ANO4: variants seen among roughly 807,000 people sequenced by gnomAD.
ANO4 encodes anoctamin-4.
In ANO4, 69 loss-of-function variants were observed where a neutral mutation model predicts 141.9. The observed-to-expected ratio is 0.49, with a 90% CI of 0.40 to 0.59. The LOEUF (loss-of-function observed/expected upper bound fraction) is 0.59. Among genes scored for constraint, ANO4 ranks in the 20% least tolerant of loss-of-function variants. ANO4 has a pLI of 0.00. For missense variants in ANO4, 894 were observed against 1,162.2 expected, an observed-to-expected ratio of 0.77 and a Z score of 3.36; for synonymous variants, 350 against 394.3, an observed-to-expected ratio of 0.89 and a Z score of 1.33.
chr12:101,084,993 C>G (rs2136892700), intron 16 of ANO4, among the ~76,000 whole-genome samples: 1 of 152,288 alleles, frequency 6.6e-6, no homozygotes, highest in Non-Finnish European at 1.5e-5. Flanking sequence ...TTACCTGTCT[C>G]CTGATCAACA....
At chr12:100,745,355 C>T (rs892752896) in intron 3 of ANO4, among the ~76,000 whole-genome samples, 1 of 152,216 alleles carries the variant, frequency 6.6e-6, no homozygotes, top group South Asian at 2.1e-4. Context: ...TCTGTTTCCA[C>T]TGGCAATTCT....
intron 22 of ANO4, 70 bp from the exon 23 acceptor site, chr12:101,110,334 A>T: frequency 6.8e-7 from 1 of 1,468,018 alleles, no homozygotes; most frequent in Non-Finnish European, 9.1e-7. Context: ...ACATATTCAG[A>T]TTATGATCCC....
At chr12:101,101,605 G>A (rs540633530) in intron 22 of ANO4, among the ~76,000 whole-genome samples, 3 of 151,584 alleles carry the variant, frequency 2.0e-5, no homozygotes, top group Admixed American at 2.0e-4. Context: ...ATCATGAAAT[G>A]TACTCCTGAG....
intron 12 of ANO4, 121 bp downstream of exon 12, chr12:101,042,589 C>T (rs2136628745): frequency 1.5e-6 from 2 of 1,350,044 alleles, no homozygotes; most frequent in East Asian, 4.7e-5. Context: ...CCTACCCTCT[C>T]ATGGAAAAAC....
chr12:100,890,844 A>G (rs1463782105), intron 1 of ANO4, among the ~76,000 whole-genome samples: 1 of 152,210 alleles, frequency 6.6e-6, no homozygotes, highest in African/African-American at 2.4e-5. Context: ...GGTGTTGTAC[A>G]TTCTGTGGGT....
chr12:101,040,611 T>A (rs972864384), intron 11 of ANO4, among the ~76,000 whole-genome samples: 1 of 151,920 alleles, frequency 6.6e-6, no homozygotes, highest in East Asian at 1.9e-4. Context: ...TATGTTTTTT[T>A]ATTATTATTA....
At chr12:100,984,957 A>G (rs1051093236) in intron 7 of ANO4, among the ~76,000 whole-genome samples, 1 of 151,862 alleles carries the variant, frequency 6.6e-6, no homozygotes, top group Admixed American at 6.6e-5. Context: ...CATGCTGAGC[A>G]CTGTACCCAG....
chr12:100,797,122 ATG>A (rs746327406), intron 1 of ANO4, among the ~76,000 whole-genome samples: 6 of 125,520 alleles, frequency 4.8e-5, no homozygotes, highest in African/African-American at 1.5e-4. Flanking sequence ...GTTTATATAT[ATG>A]TGTGTGTATA....
chr12:100,852,819 A>G (rs577863127), intron 1 of ANO4, among the ~76,000 whole-genome samples: 5 of 152,326 alleles, frequency 3.3e-5, no homozygotes, highest in African/African-American at 1.2e-4. Context: ...AAAAATTACA[A>G]AATCTGTAAT....
intron 2 of ANO4, among the ~76,000 whole-genome samples, chr12:100,913,934 G>A (rs12312569): frequency 0.047 from 7,227 of 152,174 alleles, 588 homozygotes; most frequent in African/African-American, 0.16. Context: ...AAGACAAAAG[G>A]GTAAACAACA....
At chr12:101,054,656 C>G (rs906358452) in intron 14 of ANO4, among the ~76,000 whole-genome samples, 1 of 152,152 alleles carries the variant, frequency 6.6e-6, no homozygotes, top group Non-Finnish European at 1.5e-5. Flanking sequence ...CCCGCCACCA[C>G]GCCCAGCTAA....
At chr12:100,806,054 G>A (rs145427335) in intron 1 of ANO4, among the ~76,000 whole-genome samples, 625 of 152,310 alleles carry the variant, frequency 4.1e-3, no homozygotes, top group Non-Finnish European at 6.8e-3. Context: ...AGGCTCCTTA[G>A]GTGGTGTGTA....
intron 14 of ANO4, among the ~76,000 whole-genome samples, chr12:101,049,752 G>A (rs971996511): frequency 1.4e-4 from 22 of 152,126 alleles, no homozygotes; most frequent in African/African-American, 5.3e-4. Flanking sequence ...TGTACCTAGA[G>A]ACTGTCAAAG....
chr12:100,751,455 A>C (rs1485862855), intron 3 of ANO4, among the ~76,000 whole-genome samples: 2 of 152,140 alleles, frequency 1.3e-5, no homozygotes, highest in African/African-American at 2.4e-5. Context: ...CAGATTGGGA[A>C]ACACCCTCTG....
intron 3 of ANO4, among the ~76,000 whole-genome samples, chr12:100,924,478 G>A (rs1160252175): frequency 6.6e-6 from 1 of 152,072 alleles, no homozygotes; most frequent in Non-Finnish European, 1.5e-5. Context: ...ACACATTGAG[G>A]TGAAGGATCC....
intron 3 of ANO4, among the ~76,000 whole-genome samples, chr12:100,765,726 C>A (rs886261805): frequency 6.7e-6 from 1 of 148,680 alleles, no homozygotes; most frequent in African/African-American, 2.5e-5. Flanking sequence ...TTGATCTTTT[C>A]TATTTTTAAA....
chr12:100,980,852 T>C (rs750434555), intron 7 of ANO4, among the ~76,000 whole-genome samples: 5 of 152,222 alleles, frequency 3.3e-5, no homozygotes, highest in African/African-American at 4.8e-5. Flanking sequence ...ATAAATTGCC[T>C]ATCCAATAAA....
chr12:100,768,358 T>G (rs554363391), intron 3 of ANO4, among the ~76,000 whole-genome samples: 1 of 152,314 alleles, frequency 6.6e-6, no homozygotes, highest in African/African-American at 2.4e-5. Flanking sequence ...TGTATCTTCT[T>G]TCTGTGCTAC....
chr12:100,799,386 G>A (rs556882103), intron 1 of ANO4, among the ~76,000 whole-genome samples: 63 of 152,242 alleles, frequency 4.1e-4, no homozygotes, highest in African/African-American at 1.5e-3. Context: ...TGAACAGGGC[G>A]AATATGTATA....
Sources: gnomAD v4.1 joint callset for allele counts (sites outside exome capture counted in the v4.1 genomes callset) on GRCh38, gnomAD v4.1.1 for gene constraint, MANE v1.5 for transcripts, NCBI Gene and HGNC (gene_info 2026-07-23, HGNC 2026-07-21) for gene names.